EIF4ENIF1: variants seen among roughly 807,000 people sequenced by gnomAD.
The protein encoded by EIF4ENIF1 is eukaryotic translation initiation factor 4E transporter.
A neutral mutation model predicts 110.5 loss-of-function variants in EIF4ENIF1; 23 were observed. The ratio of observed to expected loss-of-function variants is 0.21; its 90% CI spans 0.15 to 0.29. The LOEUF is 0.29. EIF4ENIF1 is among the 10% of genes least tolerant of loss of function. EIF4ENIF1 has a pLI of 1.00. For missense variants in EIF4ENIF1, 1,031 were observed against 1,221.1 expected, an observed-to-expected ratio of 0.84 and a Z score of 2.32; for synonymous variants, 440 against 437.0, an observed-to-expected ratio of 1.01 and a Z score of -0.09.
At chr22:31,463,659 A>AG in intron 5 of EIF4ENIF1, 22 bp downstream of exon 5, 1 of 1,492,036 alleles carries the variant, frequency 6.7e-7, no homozygotes, top group East Asian at 2.4e-5. Context: ...TTTAAAAAAA[A>AG]AAAAAAAAAA....
chr22:31,489,260 G>A (rs1279021726), intron 1 of EIF4ENIF1: 2 of 152,998 alleles, frequency 1.3e-5, no homozygotes, highest in Non-Finnish European at 2.9e-5. Flanking sequence ...GGCGCCGATG[G>A]CAAGGAAAGG....
Position 31,455,175 on chromosome 22 carries a change from AAAG to A in EIF4ENIF1, c.1237_1239del (p.Leu413del). 6.2e-7 allele frequency: 1 copy of A among 1,612,854 alleles called. No homozygotes were observed. Among genetic ancestry groups the A allele is most frequent in the Non-Finnish European group, 8.5e-7 (1 of 1,179,642 alleles). On this transcript the variant is annotated inframe_deletion, in exon 9 of 19. Transcript: ENST00000330125. ...TTTTCTTTATTTGCAGAAAGGCTGG[AAAG>A]AAGAGGTTTCAAATCCACTTTGGCT...
At chr22:31,456,387 C>T (rs1444023304) in intron 7 of EIF4ENIF1, among the ~76,000 whole-genome samples, 2 of 151,802 alleles carry the variant, frequency 1.3e-5, no homozygotes, top group Non-Finnish European at 2.9e-5. Context: ...CCACGCCCGG[C>T]TAATTTTTTG....
chr22:31,473,095 T>C (rs1239079446), intron 2 of EIF4ENIF1, among the ~76,000 whole-genome samples: 1 of 148,614 alleles, frequency 6.7e-6, no homozygotes, highest in Admixed American at 6.9e-5. Context: ...AGAGAGTAAA[T>C]TGCATAAGTC....
chr22:31,465,300 G>A (rs1309632896), intron 4 of EIF4ENIF1, among the ~76,000 whole-genome samples: 1 of 143,576 alleles, frequency 7.0e-6, no homozygotes, highest in Admixed American at 7.3e-5. Context: ...TGTAGCCTGG[G>A]CACCAAGAGC....
upstream of EIF4ENIF1, among the ~76,000 whole-genome samples, chr22:31,493,353 A>G (rs1024805813): frequency 2.1e-4 from 31 of 149,596 alleles, no homozygotes; most frequent in African/African-American, 6.9e-4. Context: ...TTTTGAGACC[A>G]AGTTTTGCTC....
intron 14 of EIF4ENIF1, chr22:31,446,913 T>G (rs1193135904): frequency 1.4e-5 from 6 of 434,930 alleles, no homozygotes; most frequent in African/African-American, 4.1e-5. Context: ...AGTACTCTAC[T>G]TGTTAACAGC....
chr22:31,437,202 C>T (rs1033494036), downstream of EIF4ENIF1: 28 of 152,216 alleles, frequency 1.8e-4, no homozygotes, highest in African/African-American at 6.5e-4. Context: ...ACCTGACCTC[C>T]CCTGCTTAAC....
In EIF4ENIF1 at chr22:31,454,053, C is replaced by G. The variant is rs2090817693; in HGVS notation, c.1512+91G>C. On this transcript the variant is annotated intron_variant, in intron 10 of 18. Transcript: ENST00000330125. ...ACTACTAAAGAATTTCCAACTTACT[C>G]AGAATACCTTTTTAAAAATCCTTTT... The G allele has an allele frequency of 2.5e-6, 3 of 1,201,372 alleles. No homozygotes were observed. The South Asian group carries it at 4.4e-5, about 18-fold the overall frequency. The allele number at this position is 1,201,372 out of a possible 1,614,324, so 74.4% of individuals were successfully genotyped here.
upstream of EIF4ENIF1, among the ~76,000 whole-genome samples, chr22:31,491,427 T>G (rs1375175860): frequency 6.6e-6 from 1 of 152,210 alleles, no homozygotes; most frequent in Non-Finnish European, 1.5e-5. Flanking sequence ...TGCTAAATCC[T>G]GACCCTGCCA....
chr22:31,473,396 C>T (rs1398761918), intron 2 of EIF4ENIF1, among the ~76,000 whole-genome samples: 1 of 152,018 alleles, frequency 6.6e-6, no homozygotes, highest in Non-Finnish European at 1.5e-5. Flanking sequence ...TCTAATCTAC[C>T]TTCCCAATTC....
chr22:31,486,131 G>C (rs1039308215), intron 2 of EIF4ENIF1, among the ~76,000 whole-genome samples: 7 of 151,610 alleles, frequency 4.6e-5, no homozygotes, highest in Non-Finnish European at 8.8e-5. Context: ...TGAGCTGGGC[G>C]TGGTGGCACA....
Position 31,439,864 on chromosome 22 carries a change from A to T in EIF4ENIF1, c.*16T>A. On this transcript the variant is annotated 3_prime_UTR_variant, in exon 19 of 19. Transcript: ENST00000330125. ...GCCACCACAGGTCCGGGCTTAGTTG[A>T]GTCTGCCTGCCCTGCTCACTGTCGG... 6.2e-7 allele frequency: 1 copy of T among 1,610,740 alleles called. No homozygotes were observed. Among genetic ancestry groups the T allele is most frequent in the South Asian group, 1.1e-5 (1 of 91,026 alleles).
rs2052196123 is a variant in EIF4ENIF1 at position 31,489,807 on chromosome 22, A to T, written c.-141T>A. ...CCTTCGCTCTCGCGCCCCCACCCCG[A>T]CCGGCTTGGGCTGTCTCTCTTCAGC... On this transcript the variant is annotated 5_prime_UTR_variant, in exon 1 of 19. Coordinates refer to ENST00000330125, the MANE Select transcript of EIF4ENIF1 (RefSeq NM_019843.4). 1 of 149,154 alleles carries T rather than the reference A, an allele frequency of 6.7e-6. No individual in the cohort carries two copies. The highest frequency in any genetic ancestry group is 2.5e-5 in the African/African-American group (1 of 40,174). 9.2% of individuals were successfully genotyped at this position (149,154 alleles called of 1,614,324 possible). A position where few individuals can be genotyped will look rare whatever the true frequency, so the allele number is the denominator to read the frequency against.
chr22:31,439,260 C>G (rs935491476), downstream of EIF4ENIF1: 1 of 152,568 alleles, frequency 6.6e-6, no homozygotes, highest in African/African-American at 2.4e-5. Flanking sequence ...CAGTGAGCCA[C>G]GATTGCACCA....
At chr22:31,450,550 A>G in intron 10 of EIF4ENIF1, 190 bp from the exon 11 acceptor site, 1 of 475,312 alleles carries the variant, frequency 2.1e-6, no homozygotes, top group South Asian at 2.1e-5. Flanking sequence ...GGATGGAAAG[A>G]CCGTTCACAT....
intron 6 of EIF4ENIF1, among the ~76,000 whole-genome samples, chr22:31,462,407 C>T (rs1247163223): frequency 1.3e-5 from 2 of 151,734 alleles, no homozygotes; most frequent in Non-Finnish European, 2.9e-5. Flanking sequence ...ATCGCTTGAA[C>T]CAAGGAAATG....
At chr22:31,482,838 A>G (rs780368889) in intron 2 of EIF4ENIF1, among the ~76,000 whole-genome samples, 22 of 151,156 alleles carry the variant, frequency 1.5e-4, no homozygotes, top group Middle Eastern at 3.5e-3. Flanking sequence ...CCTGGCCAAC[A>G]TGGTGAAACC....
chr22:31,492,995 G>A (rs980861031), upstream of EIF4ENIF1, among the ~76,000 whole-genome samples: 1 of 152,014 alleles, frequency 6.6e-6, no homozygotes, highest in African/African-American at 2.4e-5. Flanking sequence ...CTCCCAAAGT[G>A]CTGGGATTAC....
Sources: gnomAD v4.1 joint callset for allele counts (sites outside exome capture counted in the v4.1 genomes callset) on GRCh38, gnomAD v4.1.1 for gene constraint, MANE v1.5 for transcripts, NCBI Gene and HGNC (gene_info 2026-07-23, HGNC 2026-07-21) for gene names.